ROBO1: variants seen among roughly 807,000 people sequenced by gnomAD.
The protein encoded by ROBO1 is roundabout homolog 1.
ROBO1 carries 149 observed loss-of-function variants against 195.9 expected under a neutral mutation model. The ratio of observed to expected loss-of-function variants is 0.76; its 90% CI spans 0.67 to 0.87. ROBO1 has a LOEUF of 0.87. Among genes scored for constraint, ROBO1 ranks in the 40% least tolerant of loss-of-function variants. ROBO1 has a pLI of 0.00. For missense variants in ROBO1, 1,933 were observed against 2,068.3 expected (o/e 0.93, Z 1.27); for synonymous variants, 816 against 733.2 (o/e 1.11, Z -1.82).
intron 3 of ROBO1, among the ~76,000 whole-genome samples, chr3:79,085,690 G>A (rs922592484): frequency 1.3e-4 from 19 of 152,000 alleles, no homozygotes; most frequent in Non-Finnish European, 2.4e-4. Context: ...GAGAATGATG[G>A]CAATTCTACT....
chr3:79,163,336 A>G (rs1158635991), intron 2 of ROBO1, among the ~76,000 whole-genome samples: 1 of 152,160 alleles, frequency 6.6e-6, no homozygotes, highest in African/African-American at 2.4e-5. Context: ...AGGTTCATCC[A>G]TGTTGCAGCA....
At chr3:78,615,507 T>C (rs1331544938) in intron 27 of ROBO1, among the ~76,000 whole-genome samples, 3 of 152,210 alleles carry the variant, frequency 2.0e-5, no homozygotes, top group Non-Finnish European at 4.4e-5. Flanking sequence ...GGGAACTGAA[T>C]TTACTAATTA....
chr3:78,833,390 A>T (rs2108749914), intron 4 of ROBO1, among the ~76,000 whole-genome samples: 1 of 152,360 alleles, frequency 6.6e-6, no homozygotes, highest in East Asian at 1.9e-4. Context: ...GATATAAAAA[A>T]TACTGAAGAA....
At chr3:79,083,107 G>A (rs2108467809) in intron 3 of ROBO1, among the ~76,000 whole-genome samples, 1 of 152,214 alleles carries the variant, frequency 6.6e-6, no homozygotes, top group African/African-American at 2.4e-5. Flanking sequence ...TGAGGTGAGA[G>A]AATCACTTGG....
At chr3:79,563,625 G>A (rs1012887621) in intron 2 of ROBO1, among the ~76,000 whole-genome samples, 1 of 152,032 alleles carries the variant, frequency 6.6e-6, no homozygotes, top group Non-Finnish European at 1.5e-5. Context: ...TTGTAGTTTA[G>A]AGCTTGATGA....
chr3:79,242,608 T>G (rs1386972529), intron 2 of ROBO1, among the ~76,000 whole-genome samples: 1 of 152,152 alleles, frequency 6.6e-6, no homozygotes, highest in Non-Finnish European at 1.5e-5. Flanking sequence ...GCTTTAAACT[T>G]CAACAAAATT....
intron 20 of ROBO1, among the ~76,000 whole-genome samples, chr3:78,647,074 C>A (rs899655818): frequency 6.6e-6 from 1 of 151,976 alleles, no homozygotes; most frequent in South Asian, 2.1e-4. Flanking sequence ...GAGGGCACAA[C>A]TACACGTACA....
intron 3 of ROBO1, among the ~76,000 whole-genome samples, chr3:79,088,832 G>A (rs1161808741): frequency 6.6e-6 from 1 of 152,002 alleles, no homozygotes. Context: ...TTAGATCACT[G>A]TGTGTGTGCA....
Position 79,213,918 on chromosome 3 carries a change from C to T in ROBO1, c.89-88379G>A, listed in dbSNP as rs1288296620. ...TCGGCTCACTGCAACCTCTGCCTCC[C>T]GGGTTCAAGAGATTCTCCTGCCTCA... On this transcript the variant is annotated intron_variant, in intron 2 of 30. Transcript: ENST00000464233. Among the ~76,000 whole-genome samples, 9 of 150,220 alleles carry T rather than the reference C, an allele frequency of 6.0e-5. No individual in the cohort carries two copies. The South Asian group carries it at 1.3e-3, about 21-fold the overall frequency.
chr3:79,054,402 C>T (rs554077785), intron 3 of ROBO1, among the ~76,000 whole-genome samples: 12 of 152,176 alleles, frequency 7.9e-5, no homozygotes, highest in African/African-American at 2.6e-4. Context: ...TATTCTCCTT[C>T]GTATGTTAGC....
intron 2 of ROBO1, among the ~76,000 whole-genome samples, chr3:79,370,474 C>T (rs914846854): frequency 6.6e-6 from 1 of 152,020 alleles, no homozygotes; most frequent in African/African-American, 2.4e-5. Flanking sequence ...TATACAACAT[C>T]CGTGTGTTTC....
chr3:79,450,908 C>G (rs891627409), intron 2 of ROBO1, among the ~76,000 whole-genome samples: 1 of 151,802 alleles, frequency 6.6e-6, no homozygotes, highest in Non-Finnish European at 1.5e-5. Context: ...ATTTCAGACA[C>G]TATGCTAGGT....
chr3:78,837,004 C>G (rs2032798205), intron 4 of ROBO1, among the ~76,000 whole-genome samples: 1 of 151,948 alleles, frequency 6.6e-6, no homozygotes, highest in African/African-American at 2.4e-5. Flanking sequence ...CATCTTCAGG[C>G]CTAAACCTAA....
At chr3:78,809,865 C>T (rs1259946248) in intron 4 of ROBO1, among the ~76,000 whole-genome samples, 1 of 151,904 alleles carries the variant, frequency 6.6e-6, no homozygotes, top group African/African-American at 2.4e-5. Flanking sequence ...GGAGGGATAG[C>T]ATTAGGAGAA....
chr3:78,662,305 TAG>T (rs1204057570), intron 14 of ROBO1, among the ~76,000 whole-genome samples, 191 bp from the exon 15 acceptor site: 1 of 147,580 alleles, frequency 6.8e-6, no homozygotes, highest in Non-Finnish European at 1.5e-5. Context: ...TAAGAGGGGA[TAG>T]AGAGAGTAGA....
chr3:78,750,415 T>G (rs1296729342), intron 4 of ROBO1, among the ~76,000 whole-genome samples: 1 of 150,318 alleles, frequency 6.7e-6, no homozygotes, highest in Non-Finnish European at 1.5e-5. Flanking sequence ...ATCACACCAC[T>G]GCACTCCAGC....
At chr3:79,468,669 C>T (rs1266738499) in intron 2 of ROBO1, among the ~76,000 whole-genome samples, 1 of 151,966 alleles carries the variant, frequency 6.6e-6, no homozygotes, top group Non-Finnish European at 1.5e-5. Flanking sequence ...TAAACATATA[C>T]TGTATGAAGC....
At chr3:79,697,763 C>A (rs1000017536) in intron 1 of ROBO1, among the ~76,000 whole-genome samples, 2 of 151,208 alleles carry the variant, frequency 1.3e-5, no homozygotes, top group Non-Finnish European at 3.0e-5. Context: ...AAAAATACTA[C>A]TTAGTAATAA....
At chr3:79,659,994 T>A (rs1946282921) in intron 1 of ROBO1, among the ~76,000 whole-genome samples, 1 of 151,974 alleles carries the variant, frequency 6.6e-6, no homozygotes, top group Admixed American at 6.6e-5. Context: ...CATGGCTGCT[T>A]AGTGGAAAGT....
Sources: gnomAD v4.1 joint callset for allele counts (sites outside exome capture counted in the v4.1 genomes callset) on GRCh38, gnomAD v4.1.1 for gene constraint, MANE v1.5 for transcripts, NCBI Gene and HGNC (gene_info 2026-07-23, HGNC 2026-07-21) for gene names.